Variants in RALB observed in about 807,000 individuals in gnomAD.
The protein encoded by RALB is ras-related protein Ral-B.
A neutral mutation model predicts 21.3 loss-of-function variants in RALB; 16 were observed. That is an observed-to-expected ratio of 0.75 (90% CI 0.51 to 1.14). The LOEUF (loss-of-function observed/expected upper bound fraction) is 1.14, where lower values mean the gene tolerates loss of function less well. Among genes scored for constraint, RALB ranks in the 50% most tolerant of loss-of-function variants. The pLI is 0.00. For synonymous variants in RALB, 93 were observed against 96.1 expected (o/e 0.97, Z 0.19); for missense variants, 161 against 256.2 (o/e 0.63, Z 2.54).
intron 1 of RALB, among the ~76,000 whole-genome samples, chr2:120,260,968 G>A (rs2104593047): frequency 6.6e-6 from 1 of 152,338 alleles, no homozygotes; most frequent in East Asian, 1.9e-4. Flanking sequence ...TACACAGTGT[G>A]GGGTCTGTGG....
At position 120,294,070 on chromosome 2, in the gene RALB, C is replaced by T; in HGVS notation, c.*810C>T. On this transcript the variant is annotated 3_prime_UTR_variant, in exon 5 of 5. Transcript: ENST00000272519. ...TTTAAGTTCTTTGGCTAAGTCCTCT[C>T]CTAACTGCCTGTCCTCTGGTTAGGC... 4 of 398,482 alleles carry T rather than the reference C, an allele frequency of 1.0e-5. No individual in the cohort carries two copies. Among genetic ancestry groups the T allele is most frequent in the Non-Finnish European group, 1.8e-5 (4 of 226,054 alleles). The allele number at this position is 398,482 out of a possible 1,614,324, so 24.7% of individuals were successfully genotyped here. A position where few individuals can be genotyped will look rare whatever the true frequency, so the allele number is the denominator to read the frequency against.
intron 1 of RALB, among the ~76,000 whole-genome samples, chr2:120,263,344 G>A (rs1045311547): frequency 3.3e-5 from 5 of 151,960 alleles, no homozygotes; most frequent in Non-Finnish European, 7.4e-5. Flanking sequence ...AATTTTTGTA[G>A]AGATGGGTTT....
At chr2:120,240,739 G>A (rs956237952) in intron 1 of RALB, among the ~76,000 whole-genome samples, 2 of 152,174 alleles carry the variant, frequency 1.3e-5, no homozygotes, top group Non-Finnish European at 2.9e-5. Context: ...CTCCATCAGA[G>A]CTTACTGTTT....
chr2:120,250,547 C>G (rs1689037608), upstream of RALB, among the ~76,000 whole-genome samples: 1 of 152,322 alleles, frequency 6.6e-6, no homozygotes, highest in East Asian at 1.9e-4. Context: ...TCAGACAGCA[C>G]TAAAGACTCC....
chr2:120,241,124 C>T (rs1036938672), intron 1 of RALB, among the ~76,000 whole-genome samples: 1 of 152,162 alleles, frequency 6.6e-6, no homozygotes, highest in African/African-American at 2.4e-5. Flanking sequence ...TGCCCAGTGG[C>T]GAAAATCATG....
At chr2:120,246,294 G>A (rs1166098026) in intron 1 of RALB, among the ~76,000 whole-genome samples, 1 of 152,166 alleles carries the variant, frequency 6.6e-6, no homozygotes, top group African/African-American at 2.4e-5. Context: ...GAGGAAGGGG[G>A]ATGGGCTTGG....
chr2:120,247,028 G>A (rs185205113), intron 1 of RALB, among the ~76,000 whole-genome samples: 3 of 152,284 alleles, frequency 2.0e-5, no homozygotes, highest in Admixed American at 2.0e-4. Context: ...ATTTTATCTC[G>A]CAATGGAGTA....
At chr2:120,249,658 C>T (rs1264547282), upstream of RALB, among the ~76,000 whole-genome samples, 2 of 152,176 alleles carry the variant, frequency 1.3e-5, no homozygotes, top group Non-Finnish European at 2.9e-5. Flanking sequence ...GGATCTGTCC[C>T]TATGATCAAA....
upstream of RALB, among the ~76,000 whole-genome samples, chr2:120,251,899 T>C (rs1402737009): frequency 2.0e-5 from 3 of 152,204 alleles, no homozygotes; most frequent in Admixed American, 6.5e-5. Context: ...GGTAGATACA[T>C]AGCAATCTAA....
At chr2:120,278,834 C>T in intron 2 of RALB, 56 bp downstream of exon 2, 1 of 1,407,010 alleles carries the variant, frequency 7.1e-7, no homozygotes, top group Admixed American at 2.7e-5. Context: ...AGCAGTGTCC[C>T]TGCTCCCGCT....
intron 1 of RALB, among the ~76,000 whole-genome samples, chr2:120,269,471 C>A (rs1371135568): frequency 2.0e-5 from 3 of 149,308 alleles, no homozygotes; most frequent in Non-Finnish European, 4.4e-5. Flanking sequence ...TGGCCACACC[C>A]ATGTCCTGCT....
chr2:120,294,102 C>G lies in RALB; in HGVS notation c.*842C>G, dbSNP rs1237923354. On this transcript the variant is annotated 3_prime_UTR_variant, in exon 5 of 5. Transcript: ENST00000272519. Reference sequence around the variant, plus strand: ...GCCTGTCCTCTGGTTAGGCCCCTCCCTCTCCACTAGTGGTGAATGCATGTG... The same window carrying G: ...GCCTGTCCTCTGGTTAGGCCCCTCCGTCTCCACTAGTGGTGAATGCATGTG... 1 of 398,488 alleles carries G rather than the reference C, an allele frequency of 2.5e-6. No individual in the cohort carries two copies. Among genetic ancestry groups the G allele is most frequent in the Admixed American group, 4.4e-5 (1 of 22,714 alleles). 24.7% of individuals were successfully genotyped at this position (398,488 alleles called of 1,614,324 possible).
chr2:120,267,753 GA>G (rs1039942507), intron 1 of RALB, among the ~76,000 whole-genome samples: 4 of 152,126 alleles, frequency 2.6e-5, no homozygotes, highest in Non-Finnish European at 4.4e-5. Context: ...ACTTTTATGT[GA>G]AATCGTTCTT....
chr2:120,265,020 G>A (rs1689466482), intron 1 of RALB, among the ~76,000 whole-genome samples: 2 of 152,098 alleles, frequency 1.3e-5, no homozygotes, highest in Non-Finnish European at 1.5e-5. Flanking sequence ...GGTTGTTTCC[G>A]CCTCTTGGTT....
In RALB at chr2:120,289,646, T is replaced by C. The variant is rs763262722; in HGVS notation, c.390T>C (p.Ser130=). The C allele has an allele frequency of 8.1e-6, 13 of 1,614,078 alleles. No individual in the cohort carries two copies. Among genetic ancestry groups the C allele is most frequent in the Admixed American group, 1.7e-5 (1 of 59,998 alleles). Residue 130 remains serine, a synonymous_variant, in exon 4 of 5, where the codon TCT becomes TCC. Coordinates refer to ENST00000272519, the MANE Select transcript of RALB (RefSeq NM_002881.3). ...KIPLLVVGNK[S]DLEERRQVPV... ...CACTGCTCGTCGTGGGAAACAAGTC[T>C]GACCTAGAGGAGCGGAGGCAGGTGC...
At chr2:120,249,034 C>CTTT (rs34646056), upstream of RALB, among the ~76,000 whole-genome samples, 30 of 136,784 alleles carry the variant, frequency 2.2e-4, no homozygotes, top group African/African-American at 7.9e-4. Flanking sequence ...TTGTGTTAGT[C>CTTT]TTTTTTTTTT....
At chr2:120,260,859 G>A (rs1294515144) in intron 1 of RALB, among the ~76,000 whole-genome samples, 1 of 152,238 alleles carries the variant, frequency 6.6e-6, no homozygotes, top group Non-Finnish European at 1.5e-5. Context: ...GAGTTTGTGG[G>A]TGATCTTGAT....
At chr2:120,268,743 A>AT (rs1437530919) in intron 1 of RALB, among the ~76,000 whole-genome samples, 4 of 152,250 alleles carry the variant, frequency 2.6e-5, no homozygotes, top group African/African-American at 9.6e-5. Context: ...TAGGCAAAAT[A>AT]AGGAGTATGT....
chr2:120,286,075 G>A lies in RALB; in HGVS notation c.316G>A (p.Glu106Lys), dbSNP rs139389446. ...TEHESFTATA[E>K]FREQILRVKA... ...ACATGAATCCTTTACAGCAACTGCC[G>A]AATTCAGGTATGTCTGAAATGAAAT... is the stretch of plus-strand genomic sequence containing the variant. Residue 106 changes from glutamate (E) to lysine (K), a missense_variant, in exon 3 of 5, where the codon GAA (glutamate) becomes AAA (lysine). Coordinates refer to ENST00000272519, the MANE Select transcript of RALB (RefSeq NM_002881.3). The A allele has an allele frequency of 1.1e-5, 17 of 1,613,612 alleles. No individual in the cohort carries two copies. Among genetic ancestry groups the A allele is most frequent in the Admixed American group, 1.7e-5 (1 of 59,950 alleles).
Sources: gnomAD v4.1 joint callset for allele counts (sites outside exome capture counted in the v4.1 genomes callset) on GRCh38, gnomAD v4.1.1 for gene constraint, MANE v1.5 for transcripts, NCBI Gene and HGNC (gene_info 2026-07-23, HGNC 2026-07-21) for gene names.